VSTM2B: variants seen among roughly 807,000 people sequenced by gnomAD.
The protein encoded by VSTM2B is V-set and transmembrane domain containing 2B.
VSTM2B carries 24 observed loss-of-function variants against 24.0 expected under a neutral mutation model. That is an observed-to-expected ratio of 1.00 (90% CI 0.72 to 1.40). VSTM2B has a LOEUF of 1.40. VSTM2B is among the 40% of genes most tolerant of loss of function. The pLI, the probability that VSTM2B is intolerant of heterozygous loss-of-function variation, is 0.00. For synonymous variants in VSTM2B, 226 were observed against 194.4 expected (o/e 1.16, Z -1.35); for missense variants, 399 against 416.4 (o/e 0.96, Z 0.36).
chr19:29,534,742 G>C (rs1238536524), intron 4 of VSTM2B, among the ~76,000 whole-genome samples: 1 of 150,800 alleles, frequency 6.6e-6, no homozygotes, highest in African/African-American at 2.4e-5. Context: ...AAGAAAGAAA[G>C]AAAAGAAAAG....
chr19:29,554,106 C>A (rs1331420650), intron 4 of VSTM2B, among the ~76,000 whole-genome samples: 1 of 151,996 alleles, frequency 6.6e-6, no homozygotes, highest in East Asian at 1.9e-4. Context: ...AAGATCAACC[C>A]CAAGACACAT....
chr19:29,546,713 C>A (rs1228521812), intron 4 of VSTM2B, among the ~76,000 whole-genome samples: 3 of 151,486 alleles, frequency 2.0e-5, no homozygotes, highest in Admixed American at 2.0e-4. Context: ...GGGCCGCCTG[C>A]GGCCCCCTCT....
At chr19:29,560,839 G>A (rs189275320) in intron 4 of VSTM2B, among the ~76,000 whole-genome samples, 30 of 152,260 alleles carry the variant, frequency 2.0e-4, no homozygotes, top group African/African-American at 7.2e-4. Context: ...GGTCCCATGG[G>A]GCACCAGACA....
intron 4 of VSTM2B, among the ~76,000 whole-genome samples, chr19:29,533,202 T>C (rs1226255109): frequency 6.6e-6 from 1 of 152,172 alleles, no homozygotes; most frequent in Non-Finnish European, 1.5e-5. Context: ...TCCCAGCAGA[T>C]AGGACCTTGG....
At chr19:29,550,863 CT>C (rs1366119132) in intron 4 of VSTM2B, among the ~76,000 whole-genome samples, 1 of 152,054 alleles carries the variant, frequency 6.6e-6, no homozygotes, top group African/African-American at 2.4e-5. Flanking sequence ...TTGCAAACCC[CT>C]GACCCCAGAT....
intron 4 of VSTM2B, among the ~76,000 whole-genome samples, chr19:29,550,606 T>G (rs1970256644): frequency 6.6e-6 from 1 of 152,142 alleles, no homozygotes; most frequent in Admixed American, 6.5e-5. Flanking sequence ...CGACAATGTC[T>G]TCCCTTGAAC....
At position 29,561,389 on chromosome 19, in the gene VSTM2B, C is replaced by A. The variant is rs140622162; in HGVS notation, c.770-2457C>A. On this transcript the variant is annotated intron_variant, in intron 4 of 4. Coordinates refer to ENST00000335523, the MANE Select transcript of VSTM2B (RefSeq NM_001146339.2). Reference sequence around the variant, plus strand: ...CTGTAATCCCAGCACTTTGGGAGGCCGAGGCAGGTGGATCACCTGAGGTCA... The same window carrying A: ...CTGTAATCCCAGCACTTTGGGAGGCAGAGGCAGGTGGATCACCTGAGGTCA... Among the ~76,000 whole-genome samples the A allele has an allele frequency of 2.0e-5, 3 of 152,088 alleles. No homozygotes were observed. The East Asian group carries it at 5.8e-4, about 29-fold the overall frequency.
intron 4 of VSTM2B, among the ~76,000 whole-genome samples, chr19:29,549,107 T>C (rs1021859245): frequency 4.6e-5 from 7 of 152,232 alleles, no homozygotes; most frequent in African/African-American, 1.7e-4. Flanking sequence ...GAATCTCTGC[T>C]TTTATGTAGA....
chr19:29,561,511 G>C (rs1970525340), intron 4 of VSTM2B, among the ~76,000 whole-genome samples: 1 of 152,104 alleles, frequency 6.6e-6, no homozygotes, highest in African/African-American at 2.4e-5. Context: ...TGTAATCCCA[G>C]CTACTTGGGA....
chr19:29,540,964 A>T (rs563732524), intron 4 of VSTM2B, among the ~76,000 whole-genome samples: 6 of 152,284 alleles, frequency 3.9e-5, no homozygotes, highest in Non-Finnish European at 8.8e-5. Flanking sequence ...CAGGTAAAGA[A>T]AGAAGGTAGA....
At chr19:29,536,974 T>A (rs1008750298) in intron 4 of VSTM2B, among the ~76,000 whole-genome samples, 1 of 152,218 alleles carries the variant, frequency 6.6e-6, no homozygotes. Context: ...GATGCCAGCA[T>A]GGTTTTAAGA....
At chr19:29,561,482 G>A (rs1228704880) in intron 4 of VSTM2B, among the ~76,000 whole-genome samples, 1 of 151,356 alleles carries the variant, frequency 6.6e-6, no homozygotes, top group African/African-American at 2.4e-5. Context: ...AAAATTAGCT[G>A]GGCTTGGTGT....
chr19:29,561,984 G>T (rs1243240695), intron 4 of VSTM2B, among the ~76,000 whole-genome samples: 1 of 152,220 alleles, frequency 6.6e-6, no homozygotes, highest in Non-Finnish European at 1.5e-5. Flanking sequence ...ATAAAGATCT[G>T]GAGAGGAAGG....
chr19:29,543,949 G>T (rs1207814417), intron 4 of VSTM2B, among the ~76,000 whole-genome samples: 1 of 152,058 alleles, frequency 6.6e-6, no homozygotes, highest in East Asian at 1.9e-4. Flanking sequence ...CCCAAACTGT[G>T]CTCCTTAGAA....
chr19:29,561,364 C>T (rs1198240542), intron 4 of VSTM2B, among the ~76,000 whole-genome samples: 1 of 152,042 alleles, frequency 6.6e-6, no homozygotes, highest in Admixed American at 6.6e-5. Flanking sequence ...TGACTCACAC[C>T]TGTAATCCCA....
chr19:29,526,714 T>C lies in VSTM2B; in HGVS notation c.82+49T>C. On this transcript the variant is annotated intron_variant, in intron 1 of 4. Coordinates refer to ENST00000335523, the MANE Select transcript of VSTM2B (RefSeq NM_001146339.2). The surrounding 1 kb of genome is among the most constrained non-coding windows in gnomAD (Gnocchi z 4.1). Reference sequence around the variant, plus strand: ...GCTGTGGACTCGGGGGGGTCTTTGCTGGGGCCGCCACCGAGAAGAAGAAGA... The same window carrying C: ...GCTGTGGACTCGGGGGGGTCTTTGCCGGGGCCGCCACCGAGAAGAAGAAGA... 3 of 1,459,666 alleles carry C rather than the reference T, an allele frequency of 2.1e-6. No individual in the cohort carries two copies. Among genetic ancestry groups the C allele is most frequent in the South Asian group, 1.2e-5 (1 of 80,210 alleles). The allele number at this position is 1,459,666 out of a possible 1,614,324, so 90.4% of individuals were successfully genotyped here. A position where few individuals can be genotyped will look rare whatever the true frequency, so the allele number is the denominator to read the frequency against.
intron 4 of VSTM2B, among the ~76,000 whole-genome samples, chr19:29,557,488 A>G (rs867153780): frequency 2.0e-5 from 3 of 152,206 alleles, no homozygotes; most frequent in Non-Finnish European, 2.9e-5. Flanking sequence ...ACCTGAGGTC[A>G]GGAGTTCAAG....
rs1476610753 is a variant in VSTM2B, at chr19:29,527,402, C to A, written c.267+7C>A. ...GCCGGGCGCCCGGAGCAAGGTAACC[C>A]GCCGCCCACGCGGTACCGGCGCGCG... On this transcript the variant is annotated splice_region_variant and intron_variant, in intron 2 of 4. Transcript: ENST00000335523. 5.3e-6 allele frequency: 8 copies of A among 1,516,078 alleles called. No individual in the cohort carries two copies. Among genetic ancestry groups the A allele is most frequent in the Non-Finnish European group, 7.1e-6 (8 of 1,134,576 alleles). 93.9% of individuals were successfully genotyped at this position (1,516,078 alleles called of 1,614,324 possible).
rs61055716 is a variant in VSTM2B, at chr19:29,544,115, C to CTATA, written c.769+13837_769+13840dup. The stretch of plus-strand genomic sequence containing the variant: ...AGTTCTCCTGTGTGTATATATATAC[C>CTATA]TATATATATATATATGCACATTATA... On this transcript the variant is annotated intron_variant, in intron 4 of 4. Coordinates refer to ENST00000335523, the MANE Select transcript of VSTM2B (RefSeq NM_001146339.2). 4.6e-3 allele frequency among the ~76,000 whole-genome samples: 688 copies of CTATA among 148,220 alleles called. 4 individuals are homozygous for CTATA. The highest frequency in any genetic ancestry group is 0.015 in the African/African-American group (611 of 40,464).
Sources: gnomAD v4.1 joint callset for allele counts (sites outside exome capture counted in the v4.1 genomes callset) on GRCh38, gnomAD v4.1.1 for gene constraint, Gnocchi (gnomAD v3.1) non-coding constraint, MANE v1.5 for transcripts, NCBI Gene and HGNC (gene_info 2026-07-23, HGNC 2026-07-21) for gene names.